TNS1: variants seen among roughly 807,000 people sequenced by gnomAD.
TNS1 encodes the protein tensin 1.
TNS1 carries 62 observed loss-of-function variants against 168.6 expected under a neutral mutation model. The ratio of observed to expected loss-of-function variants is 0.37; its 90% confidence interval spans 0.30 to 0.45. The LOEUF is 0.45. TNS1 is among the 20% of genes least tolerant of loss of function. The pLI, the probability that TNS1 is intolerant of heterozygous loss-of-function variation, is 1.00. For synonymous variants in TNS1, 934 were observed against 933.2 expected (o/e 1.00, Z -0.02); for missense variants, 2,240 against 2,339.4 (o/e 0.96, Z 0.88).
chr2:217,958,771 G>A (rs1054941963), intron 3 of TNS1, among the ~76,000 whole-genome samples: 1 of 152,224 alleles, frequency 6.6e-6, no homozygotes, highest in Non-Finnish European at 1.5e-5. Context: ...AGTCCAGCGG[G>A]AGCCTGAGGC....
intron 18 of TNS1, among the ~76,000 whole-genome samples, chr2:217,860,746 C>T (rs1197594249): frequency 6.6e-6 from 1 of 152,168 alleles, no homozygotes; most frequent in Non-Finnish European, 1.5e-5. Flanking sequence ...ATTGAATGTG[C>T]AAAATACATA....
chr2:217,930,660 A>C (rs555047787), intron 3 of TNS1, among the ~76,000 whole-genome samples: 39 of 152,310 alleles, frequency 2.6e-4, no homozygotes, highest in African/African-American at 8.9e-4. Flanking sequence ...GAGATTAAAG[A>C]GGGGATCCGA....
chr2:217,903,538 C>T (rs1953273910), intron 6 of TNS1: 1 of 1,518,192 alleles, frequency 6.6e-7, no homozygotes, highest in East Asian at 2.5e-5. Context: ...TCTCAAGACA[C>T]AGGTTGATTA....
At chr2:217,810,092 G>C (rs1479901546) in intron 29 of TNS1, 101 bp from the exon 30 acceptor site, 13 of 1,492,618 alleles carry the variant, frequency 8.7e-6, no homozygotes, top group Non-Finnish European at 1.2e-5. Context: ...TAAATTTCAG[G>C]CTAGCCTTGA....
At chr2:217,964,717 A>C (rs1178923684) in intron 3 of TNS1, among the ~76,000 whole-genome samples, 2 of 152,138 alleles carry the variant, frequency 1.3e-5, no homozygotes, top group Non-Finnish European at 2.9e-5. Context: ...CCCACGAGTG[A>C]CCTTCCTCCC....
chr2:217,841,289 C>G, intron 19 of TNS1: 2 of 983,912 alleles, frequency 2.0e-6, no homozygotes, highest in South Asian at 4.7e-5. Flanking sequence ...TTGTACGCTG[C>G]CCACCCCCCA....
intron 19 of TNS1, among the ~76,000 whole-genome samples, chr2:217,845,819 A>C (rs999669804): frequency 2.0e-5 from 3 of 152,290 alleles, no homozygotes; most frequent in Admixed American, 6.5e-5. Context: ...GCTCCAGGAG[A>C]GCTGCATGGA....
intron 4 of TNS1, among the ~76,000 whole-genome samples, chr2:217,914,983 G>A (rs1339404137): frequency 1.3e-5 from 2 of 152,166 alleles, no homozygotes; most frequent in Non-Finnish European, 2.9e-5. Context: ...GCGGCCCTAG[G>A]GGTTGCACAA....
chr2:217,924,279 T>C (rs1484408755), intron 3 of TNS1, among the ~76,000 whole-genome samples: 5 of 151,774 alleles, frequency 3.3e-5, no homozygotes, highest in African/African-American at 4.8e-5. Flanking sequence ...CCAGAGACCC[T>C]CCCTAATTCC....
chr2:217,883,693 C>A (rs934627047), intron 16 of TNS1, among the ~76,000 whole-genome samples: 4 of 152,180 alleles, frequency 2.6e-5, no homozygotes, highest in African/African-American at 7.2e-5. Flanking sequence ...ATCAGCTATG[C>A]CTTTATTTTT....
intron 1 of TNS1, among the ~76,000 whole-genome samples, chr2:218,022,157 G>A (rs1294275379): frequency 6.6e-6 from 1 of 152,152 alleles, no homozygotes; most frequent in Non-Finnish European, 1.5e-5. Flanking sequence ...AGCTGGAGGA[G>A]GAGAGGGGGC....
chr2:217,958,270 A>G (rs1957413354), intron 3 of TNS1, among the ~76,000 whole-genome samples: 1 of 152,046 alleles, frequency 6.6e-6, no homozygotes, highest in Non-Finnish European at 1.5e-5. Flanking sequence ...GACATGGTCA[A>G]ATGGGAAAGG....
chr2:217,999,707 A>G (rs1205708038), intron 1 of TNS1, among the ~76,000 whole-genome samples: 2 of 152,252 alleles, frequency 1.3e-5, no homozygotes, highest in African/African-American at 2.4e-5. Flanking sequence ...TGATGTCTGC[A>G]TGACCGGAAT....
At chr2:217,992,126 G>A (rs1315650582) in intron 1 of TNS1, among the ~76,000 whole-genome samples, 1 of 151,910 alleles carries the variant, frequency 6.6e-6, no homozygotes, top group African/African-American at 2.4e-5. Context: ...CCACTGCGGG[G>A]CAGGGGGGCC....
chr2:217,874,194 G>C (rs1436324145), intron 18 of TNS1, among the ~76,000 whole-genome samples: 2 of 152,202 alleles, frequency 1.3e-5, no homozygotes, highest in Non-Finnish European at 2.9e-5. Context: ...GTGTCATTTG[G>C]GGGAAGGGGA....
upstream of TNS1, among the ~76,000 whole-genome samples, chr2:218,014,906 AGG>A (rs1958743086): frequency 1.0e-5 from 1 of 98,118 alleles, no homozygotes; most frequent in Non-Finnish European, 2.5e-5. Flanking sequence ...GAAGGAAGGA[AGG>A]AAGGAAGGAA....
intron 1 of TNS1, chr2:217,992,751 A>C (rs1468276167): frequency 6.6e-6 from 1 of 152,226 alleles, no homozygotes; most frequent in Non-Finnish European, 1.5e-5. Flanking sequence ...GACCAAGATA[A>C]AGGCAGACAG....
chr2:217,849,590 T>C, intron 18 of TNS1: 1 of 950,550 alleles, frequency 1.1e-6, no homozygotes, highest in Non-Finnish European at 1.3e-6. Context: ...GCCCTAACCA[T>C]CACCATTATG....
chr2:217,860,969 G>A (rs1156356277), intron 18 of TNS1, among the ~76,000 whole-genome samples: 4 of 152,188 alleles, frequency 2.6e-5, no homozygotes, highest in East Asian at 1.9e-4. Flanking sequence ...TAAGAACCCC[G>A]ATCCCCTGGC....
Sources: allele counts gnomAD v4.1 joint callset (sites outside exome capture counted in the v4.1 genomes callset), GRCh38; gene constraint gnomAD v4.1.1; transcripts MANE v1.5; gene names NCBI Gene and HGNC (gene_info 2026-07-23, HGNC 2026-07-21).